MAP7: variants seen among roughly 807,000 people sequenced by gnomAD.
MAP7 encodes the protein ensconsin.
MAP7 carries 52 observed loss-of-function variants against 94.8 expected under a neutral mutation model. The observed-to-expected ratio is 0.55, with a 90% CI of 0.44 to 0.69. The LOEUF (loss-of-function observed/expected upper bound fraction) is 0.69, where lower values mean the gene tolerates loss of function less well. Ranked by LOEUF, MAP7 falls within the 30% of genes least tolerant of loss-of-function variation. MAP7 has a pLI of 0.00. For synonymous variants in MAP7, 350 were observed against 357.0 expected, an observed-to-expected ratio of 0.98 and a Z score of 0.22; for missense variants, 940 against 964.6, an observed-to-expected ratio of 0.97 and a Z score of 0.34.
intron 1 of MAP7, among the ~76,000 whole-genome samples, chr6:136,518,377 A>G (rs550535119): frequency 5.3e-5 from 8 of 152,330 alleles, no homozygotes; most frequent in African/African-American, 1.7e-4. Flanking sequence ...CTGGGCAGAT[A>G]GCCTGAAAAA....
intron 2 of MAP7, among the ~76,000 whole-genome samples, chr6:136,412,930 G>A (rs1582836324): frequency 6.6e-6 from 1 of 152,192 alleles, no homozygotes; most frequent in Admixed American, 6.5e-5. Context: ...GGAGGCCGAG[G>A]CGGGTGGATT....
chr6:136,361,214 C>T, intron 11 of MAP7, 35 bp from the exon 12 acceptor site: 1 of 1,598,740 alleles, frequency 6.3e-7, no homozygotes, highest in Admixed American at 1.7e-5. Flanking sequence ...AAACCAAAGA[C>T]ACCTGAGGAG....
chr6:136,435,283 T>C (rs929033870), intron 1 of MAP7, among the ~76,000 whole-genome samples: 2 of 152,162 alleles, frequency 1.3e-5, no homozygotes, highest in African/African-American at 2.4e-5. Flanking sequence ...GCTACTCTCC[T>C]TGCGTCCCAG....
intron 3 of MAP7, among the ~76,000 whole-genome samples, chr6:136,390,218 T>C (rs1371850527): frequency 6.6e-6 from 1 of 152,232 alleles, no homozygotes. Flanking sequence ...GCTATTTCAA[T>C]ATGCTGCTTC....
chr6:136,406,716 G>A (rs1163341922), intron 3 of MAP7, among the ~76,000 whole-genome samples: 1 of 152,176 alleles, frequency 6.6e-6, no homozygotes, highest in African/African-American at 2.4e-5. Context: ...AGCTACTCGG[G>A]AGGCTGAGGC....
intron 1 of MAP7, among the ~76,000 whole-genome samples, chr6:136,474,573 G>T (rs531743705): frequency 1.3e-5 from 2 of 152,166 alleles, no homozygotes; most frequent in Admixed American, 1.3e-4. Context: ...ACAAGTGTGA[G>T]GAAAAGAATC....
chr6:136,447,169 G>A lies in MAP7; in HGVS notation c.68-25370C>T, dbSNP rs535880593. 8.3e-4 allele frequency among the ~76,000 whole-genome samples: 127 copies of A among 152,244 alleles called. 1 individual carries two copies. The highest frequency in any genetic ancestry group is 3.4e-3 in the Middle Eastern group (1 of 294). ...GAAACACAAAACTCATCACCCCCCC[G>A]AAATTTGTTGTGTCTCTTGCCTATA... On this transcript the variant is annotated intron_variant, in intron 1 of 17. Coordinates refer to ENST00000354570, the MANE Select transcript of MAP7 (RefSeq NM_003980.6).
rs138052958 is a variant in MAP7, at chr6:136,451,749, T to G, written c.68-29950A>C. ...TGGCAGGAGGTCAAAAATGTCAACA[T>G]TTACAGGAGTTGAGAAGATGATTCC... is the stretch of plus-strand genomic sequence containing the variant. On this transcript the variant is annotated intron_variant, in intron 1 of 17. Coordinates refer to ENST00000354570, the MANE Select transcript of MAP7 (RefSeq NM_003980.6). Among the ~76,000 whole-genome samples the G allele has an allele frequency of 3.8e-3, 572 of 152,262 alleles. 3 individuals carry two copies. The highest frequency in any genetic ancestry group is 0.013 in the African/African-American group (550 of 41,546).
chr6:136,353,107 C>T (rs1233828287), intron 16 of MAP7, among the ~76,000 whole-genome samples: 2 of 152,170 alleles, frequency 1.3e-5, no homozygotes, highest in Non-Finnish European at 2.9e-5. Context: ...GTTTCTCAAA[C>T]TGGGGTCCTG....
At chr6:136,361,307 C>T (rs1363153948) in intron 11 of MAP7, 128 bp from the exon 12 acceptor site, 3 of 895,844 alleles carry the variant, frequency 3.3e-6, no homozygotes, top group East Asian at 2.6e-5. Flanking sequence ...CACTGGATGC[C>T]TTCACCACTG....
chr6:136,430,534 C>T (rs920721284), intron 1 of MAP7, among the ~76,000 whole-genome samples: 1 of 151,832 alleles, frequency 6.6e-6, no homozygotes, highest in African/African-American at 2.4e-5. Flanking sequence ...ACACTGCTGT[C>T]GAATATCAAA....
At chr6:136,480,730 A>G (rs1000884903) in intron 1 of MAP7, among the ~76,000 whole-genome samples, 2 of 152,000 alleles carry the variant, frequency 1.3e-5, no homozygotes, top group Non-Finnish European at 2.9e-5. Flanking sequence ...TTCTTGAATA[A>G]TACCCCAGAG....
intron 1 of MAP7, chr6:136,466,886 C>T: frequency 6.6e-7 from 1 of 1,521,002 alleles, no homozygotes; most frequent in Non-Finnish European, 8.8e-7. Flanking sequence ...AGTGAAGGGG[C>T]CGTTTAATCA....
At chr6:136,497,372 A>C (rs1221714735) in intron 1 of MAP7, among the ~76,000 whole-genome samples, 1 of 151,962 alleles carries the variant, frequency 6.6e-6, no homozygotes, top group Non-Finnish European at 1.5e-5. Flanking sequence ...GTAAATTGGT[A>C]GTTTATCTTT....
chr6:136,351,005 A>G (rs1242237193), intron 16 of MAP7, among the ~76,000 whole-genome samples: 1 of 152,228 alleles, frequency 6.6e-6, no homozygotes, highest in Non-Finnish European at 1.5e-5. Context: ...TTAAGTATGC[A>G]GATAATGTTT....
intron 2 of MAP7, among the ~76,000 whole-genome samples, chr6:136,412,873 T>C (rs1373195686): frequency 1.3e-5 from 2 of 152,146 alleles, no homozygotes; most frequent in African/African-American, 2.4e-5. Context: ...AGAATTGACG[T>C]TGACAGGCCA....
At chr6:136,549,613 C>CAAAT (rs1829982286) in intron 1 of MAP7, among the ~76,000 whole-genome samples, 1 of 152,182 alleles carries the variant, frequency 6.6e-6, no homozygotes, top group African/African-American at 2.4e-5. Flanking sequence ...GCCTGACCAC[C>CAAAT]AAATCCCGGG....
intron 1 of MAP7, among the ~76,000 whole-genome samples, chr6:136,537,931 G>A (rs1171503845): frequency 6.6e-6 from 1 of 152,062 alleles, no homozygotes; most frequent in Non-Finnish European, 1.5e-5. Context: ...ACAGGCATGT[G>A]CCACCAAGCC....
At chr6:136,494,548 A>G (rs954478136) in intron 1 of MAP7, among the ~76,000 whole-genome samples, 93 of 152,306 alleles carry the variant, frequency 6.1e-4, no homozygotes, top group African/African-American at 2.1e-3. Context: ...CTATACATTT[A>G]AAAATGGTTA....
Sources: allele counts gnomAD v4.1 joint callset (sites outside exome capture counted in the v4.1 genomes callset), GRCh38; gene constraint gnomAD v4.1.1; transcripts MANE v1.5; gene names NCBI Gene and HGNC (gene_info 2026-07-23, HGNC 2026-07-21).